Variants in KCNH1 observed in about 807,000 individuals in gnomAD.
The protein encoded by KCNH1 is potassium voltage-gated channel subfamily H member 1.
In KCNH1, 27 loss-of-function variants were observed where a neutral mutation model predicts 69.2. That is an observed-to-expected ratio of 0.39 (90% CI 0.29 to 0.54). KCNH1 has a LOEUF of 0.54. Among genes scored for constraint, KCNH1 ranks in the 20% least tolerant of loss-of-function variants. The probability of loss-of-function intolerance (pLI) is 0.68; values close to 1 mark genes in which losing one functional copy is unlikely to be tolerated. For missense variants in KCNH1, 798 were observed against 1,261.6 expected (o/e 0.63, Z 5.57); for synonymous variants, 456 against 487.7 (o/e 0.93, Z 0.86).
intron 10 of KCNH1, among the ~76,000 whole-genome samples, chr1:210,754,502 G>A (rs1683351160): frequency 1.3e-5 from 2 of 152,104 alleles, no homozygotes; most frequent in South Asian, 2.1e-4. Flanking sequence ...GGTGGGGGCC[G>A]ATAGGAGGTG....
intron 7 of KCNH1, chr1:210,862,381 G>A (rs955065213): frequency 1.8e-5 from 11 of 622,738 alleles, no homozygotes; most frequent in African/African-American, 3.6e-5. Context: ...GGCAACTGGC[G>A]CAAAAGGGCA....
chr1:210,847,507 A>C (rs1685583381), intron 7 of KCNH1, among the ~76,000 whole-genome samples: 1 of 150,488 alleles, frequency 6.6e-6, no homozygotes, highest in Non-Finnish European at 1.5e-5. Flanking sequence ...GCATGTTCTC[A>C]CTCATAGGTG....
chr1:210,862,418 C>T, intron 7 of KCNH1: 1 of 549,744 alleles, frequency 1.8e-6, no homozygotes, highest in East Asian at 3.6e-5. Flanking sequence ...TCACTGTAAC[C>T]TTGAACTCCT....
intron 7 of KCNH1, among the ~76,000 whole-genome samples, chr1:210,815,859 A>G (rs1411043035): frequency 2.0e-5 from 3 of 152,200 alleles, no homozygotes; most frequent in African/African-American, 7.2e-5. Flanking sequence ...CCAGTAGATA[A>G]GGCACCGGAG....
intron 5 of KCNH1, among the ~76,000 whole-genome samples, chr1:211,049,010 G>A (rs1320632284): frequency 6.6e-6 from 1 of 151,948 alleles, no homozygotes; most frequent in African/African-American, 2.4e-5. Context: ...AGAAGAAAGG[G>A]AGACTGATAA....
chr1:210,938,617 A>T (rs758308854), intron 6 of KCNH1, among the ~76,000 whole-genome samples: 15 of 152,078 alleles, frequency 9.9e-5, no homozygotes, highest in Non-Finnish European at 2.1e-4. Context: ...CTTTAGTCAT[A>T]CCAGATTATT....
intron 7 of KCNH1, among the ~76,000 whole-genome samples, chr1:210,845,004 T>C (rs558023460): frequency 2.1e-3 from 313 of 152,266 alleles, no homozygotes; most frequent in Middle Eastern, 0.017. Flanking sequence ...CCTCGACACA[T>C]ACATCCTCCC....
chr1:210,888,334 G>C (rs1686665895), intron 7 of KCNH1, among the ~76,000 whole-genome samples: 1 of 152,052 alleles, frequency 6.6e-6, no homozygotes, highest in African/African-American at 2.4e-5. Context: ...AATTAAGGCA[G>C]AAATAAATAA....
At chr1:210,856,509 T>C (rs907073941) in intron 7 of KCNH1, among the ~76,000 whole-genome samples, 24 of 151,890 alleles carry the variant, frequency 1.6e-4, no homozygotes, top group Non-Finnish European at 2.9e-5. Context: ...AGAACACAAA[T>C]GAAGGCAAGG....
chr1:211,032,755 A>G (rs1689813290), intron 5 of KCNH1, among the ~76,000 whole-genome samples: 2 of 152,246 alleles, frequency 1.3e-5, no homozygotes, highest in Admixed American at 6.5e-5. Context: ...TTATACGAAC[A>G]TTAATTCAAG....
intron 7 of KCNH1, among the ~76,000 whole-genome samples, chr1:210,879,049 T>C (rs537024939): frequency 1.3e-5 from 2 of 152,104 alleles, no homozygotes; most frequent in East Asian, 3.9e-4. Flanking sequence ...GACCAGTTCC[T>C]TGAAAGAAAC....
intron 6 of KCNH1, among the ~76,000 whole-genome samples, chr1:211,003,877 A>G (rs187385982): frequency 1.4e-4 from 21 of 152,284 alleles, no homozygotes; most frequent in Non-Finnish European, 1.8e-4. Flanking sequence ...GCGGATCACG[A>G]GGTCAGGAGA....
Position 211,090,657 on chromosome 1 carries a change from G to A in KCNH1, c.344C>T (p.Pro115Leu). ...CACTTTATCCTGTTCGTTTCGAATT[G>A]GAGCAATTTTCACAAAGAACCACAC... ...TPVWFFVKIA[P>L]IRNEQDKVVL... Residue 115 changes from proline (P) to leucine (L), a missense_variant, in exon 4 of 11, where the codon CCA (proline) becomes CTA (leucine). Physicochemically the swap from Pro to Leu is moderately conservative, Grantham distance 98 (BLOSUM62 -3). Around this residue, in one of 4 missense-constraint regions of KCNH1, gnomAD observed 266 missense variants for 457.2 expected, o/e 0.58. Coordinates refer to ENST00000271751, the MANE Select transcript of KCNH1 (RefSeq NM_172362.3). The A allele has an allele frequency of 1.9e-6, 3 of 1,606,476 alleles. No individual in the cohort carries two copies. The highest frequency in any genetic ancestry group is 2.5e-6 in the Non-Finnish European group (3 of 1,178,500).
intron 6 of KCNH1, among the ~76,000 whole-genome samples, chr1:211,011,377 T>C (rs7523281): frequency 0.072 from 10,932 of 152,254 alleles, 1,051 homozygotes; most frequent in African/African-American, 0.22. Context: ...CAGTCTATCA[T>C]TGATGGGAAT....
intron 10 of KCNH1, among the ~76,000 whole-genome samples, chr1:210,710,815 T>G (rs1358846767): frequency 6.6e-6 from 1 of 152,114 alleles, no homozygotes; most frequent in Non-Finnish European, 1.5e-5. Flanking sequence ...GTCGCAACCT[T>G]GTGACCCACA....
intron 6 of KCNH1, among the ~76,000 whole-genome samples, chr1:210,948,247 T>C (rs571178233): frequency 6.6e-6 from 1 of 151,958 alleles, no homozygotes; most frequent in South Asian, 2.1e-4. Context: ...TTTTTTACAT[T>C]ATAAAGCAGT....
chr1:210,833,915 A>C (rs1430508874), intron 7 of KCNH1, among the ~76,000 whole-genome samples: 2 of 152,158 alleles, frequency 1.3e-5, no homozygotes, highest in Non-Finnish European at 1.5e-5. Flanking sequence ...ATTTATGCAG[A>C]CAAAAAACAC....
At chr1:210,693,440 TTGGG>T (rs1681567485) in intron 10 of KCNH1, among the ~76,000 whole-genome samples, 1 of 152,046 alleles carries the variant, frequency 6.6e-6, no homozygotes, top group Admixed American at 6.6e-5. Flanking sequence ...AGAACCCCAC[TTGGG>T]TGGGTGGGAG....
chr1:210,691,151 C>G (rs1681519099), intron 10 of KCNH1, among the ~76,000 whole-genome samples: 1 of 152,190 alleles, frequency 6.6e-6, no homozygotes, highest in African/African-American at 2.4e-5. Flanking sequence ...ATGTATTACT[C>G]TTTGTGGGGG....
Sources: allele counts gnomAD v4.1 joint callset (sites outside exome capture counted in the v4.1 genomes callset), GRCh38; gene constraint gnomAD v4.1.1; regional missense constraint gnomAD v4.1.1; transcripts MANE v1.5; gene names NCBI Gene and HGNC (gene_info 2026-07-23, HGNC 2026-07-21).